Variants in LEMD1 observed in about 807,000 individuals in gnomAD.
LEMD1 encodes the protein LEM domain-containing protein 1.
LEMD1 carries 18 observed loss-of-function variants against 17.4 expected under a neutral mutation model. That is an observed-to-expected ratio of 1.04 (90% confidence interval 0.72 to 1.54). The LOEUF is 1.54. Among genes scored for constraint, LEMD1 ranks in the 40% most tolerant of loss-of-function variants. The probability of loss-of-function intolerance (pLI) is 0.00; values close to 1 mark genes in which losing one functional copy is unlikely to be tolerated. For missense variants in LEMD1, 195 were observed against 210.4 expected, an observed-to-expected ratio of 0.93 and a Z score of 0.45; for synonymous variants, 88 against 77.8, an observed-to-expected ratio of 1.13 and a Z score of -0.69.
chr1:205,443,925 CCT>C (rs1666339419), intron 1 of LEMD1, among the ~76,000 whole-genome samples: 1 of 152,196 alleles, frequency 6.6e-6, no homozygotes, highest in Non-Finnish European at 1.5e-5. Context: ...GGTCTCTGCT[CCT>C]CTCTGCTTTG....
At chr1:205,421,774 AT>A (rs1182128163) in intron 1 of LEMD1, among the ~76,000 whole-genome samples, 1 of 152,078 alleles carries the variant, frequency 6.6e-6, no homozygotes, top group East Asian at 1.9e-4. Context: ...AGCACCTCAG[AT>A]TTTTTTTCTT....
At chr1:205,414,358 G>A (rs1375433213) in intron 4 of LEMD1, among the ~76,000 whole-genome samples, 4 of 151,954 alleles carry the variant, frequency 2.6e-5, no homozygotes, top group African/African-American at 7.3e-5. Flanking sequence ...CAAGGCAAGA[G>A]GATCACTCGA....
intron 1 of LEMD1, among the ~76,000 whole-genome samples, chr1:205,421,147 G>T (rs16855572): frequency 0.013 from 2,026 of 151,874 alleles, 33 homozygotes; most frequent in African/African-American, 0.043. Context: ...ATTGGCATTT[G>T]AAAAAAAGTC....
At chr1:205,400,344 C>T (rs993313214) in intron 4 of LEMD1, among the ~76,000 whole-genome samples, 1 of 152,220 alleles carries the variant, frequency 6.6e-6, no homozygotes, top group Non-Finnish European at 1.5e-5. Flanking sequence ...AGGCGTGAGC[C>T]ACTATGCCTG....
At chr1:205,405,176 G>A (rs1359445456) in intron 4 of LEMD1, among the ~76,000 whole-genome samples, 3 of 151,910 alleles carry the variant, frequency 2.0e-5, no homozygotes, top group Non-Finnish European at 4.4e-5. Context: ...TGACAATTAT[G>A]TGTCTTGGAG....
rs1482800182 is a variant in LEMD1 at position 205,441,580 on chromosome 1, C to T, written c.-39+8288G>A. On this transcript the variant is annotated intron_variant, in intron 1 of 3. Transcript: ENST00000367154. The surrounding 1 kb of genome is among the most constrained non-coding windows in gnomAD (Gnocchi z 4.3). Reference sequence around the variant, plus strand: ...TGACACCTGGGACCGAGTCAGATTCCTCCCTTCCTTAACAACCCCAAGTTG... The same window carrying T: ...TGACACCTGGGACCGAGTCAGATTCTTCCCTTCCTTAACAACCCCAAGTTG... Among the ~76,000 whole-genome samples the T allele has an allele frequency of 6.6e-6, 1 of 152,148 alleles. No individual in the cohort carries two copies. The highest frequency in any genetic ancestry group is 2.4e-5 in the African/African-American group (1 of 41,440).
chr1:205,427,400 C>T (rs980651228), intron 1 of LEMD1, among the ~76,000 whole-genome samples: 1 of 151,930 alleles, frequency 6.6e-6, no homozygotes, highest in South Asian at 2.1e-4. Flanking sequence ...ATAGCTCACC[C>T]CTTTACCTGG....
In LEMD1 at chr1:205,384,373, CA is replaced by C. The variant is rs769809630; in HGVS notation, c.271-10del. 1.0e-5 allele frequency: 15 copies of C among 1,482,858 alleles called. No individual in the cohort carries two copies. Among genetic ancestry groups the C allele is most frequent in the Non-Finnish European group, 1.1e-5 (12 of 1,113,774 alleles). 91.9% of individuals were successfully genotyped at this position (1,482,858 alleles called of 1,614,324 possible). On this transcript the variant is annotated splice_polypyrimidine_tract_variant and intron_variant, in intron 4 of 5. Transcript: ENST00000367153. Reference sequence around the variant, plus strand: ...GTGGAAGCCTCAGGCCACTGATAAACAGAAAGAAAATGTCAAGAGGAATTTG... The same window carrying C: ...GTGGAAGCCTCAGGCCACTGATAAACGAAAGAAAATGTCAAGAGGAATTTG...
intron 4 of LEMD1, among the ~76,000 whole-genome samples, chr1:205,394,225 G>C (rs1019233367): frequency 6.6e-6 from 1 of 152,054 alleles, no homozygotes; most frequent in East Asian, 1.9e-4. Context: ...GGGGGGTAGA[G>C]CGACTGGCGG....
chr1:205,436,059 CAG>C (rs1666198980), intron 1 of LEMD1: 1 of 152,278 alleles, frequency 6.6e-6, no homozygotes, highest in Non-Finnish European at 1.5e-5. Flanking sequence ...GCCATGGCAA[CAG>C]AGGCTGGGAG....
intron 1 of LEMD1, among the ~76,000 whole-genome samples, chr1:205,431,470 T>C (rs1418272280): frequency 6.6e-6 from 1 of 152,220 alleles, no homozygotes. Context: ...TATCTGCATT[T>C]TCCATATGAA....
chr1:205,394,823 C>T (rs1225437530), intron 4 of LEMD1, among the ~76,000 whole-genome samples: 1 of 150,658 alleles, frequency 6.6e-6, no homozygotes, highest in African/African-American at 2.4e-5. Context: ...CCTGTCTCTA[C>T]TAAAAATACA....
intron 4 of LEMD1, among the ~76,000 whole-genome samples, chr1:205,390,326 G>A (rs1427304172): frequency 1.3e-5 from 2 of 151,392 alleles, no homozygotes; most frequent in African/African-American, 4.9e-5. Flanking sequence ...CTGCACTCCA[G>A]CCTGGGCGAC....
At chr1:205,424,340 A>G (rs772726564), upstream of LEMD1, among the ~76,000 whole-genome samples, 2 of 152,148 alleles carry the variant, frequency 1.3e-5, no homozygotes, top group Non-Finnish European at 2.9e-5. Flanking sequence ...TGCTGACCGG[A>G]GGGAAAAGGG....
intron 4 of LEMD1, among the ~76,000 whole-genome samples, chr1:205,402,602 T>G (rs1664902389): frequency 6.6e-6 from 1 of 152,230 alleles, no homozygotes; most frequent in African/African-American, 2.4e-5. Flanking sequence ...ATTTTTGGGC[T>G]GAGACAATGG....
At chr1:205,414,568 G>A (rs115417436) in intron 4 of LEMD1, among the ~76,000 whole-genome samples, 1 of 152,044 alleles carries the variant, frequency 6.6e-6, no homozygotes, top group African/African-American at 2.4e-5. Context: ...GGGATCACAG[G>A]TGTGCACCAC....
intron 4 of LEMD1, chr1:205,386,981 T>G (rs1003372740): frequency 6.6e-6 from 1 of 152,220 alleles, no homozygotes; most frequent in Non-Finnish European, 1.5e-5. Flanking sequence ...ATCCATCACA[T>G]GCAACTTCTT....
intron 3 of LEMD1, among the ~76,000 whole-genome samples, chr1:205,417,280 A>C (rs902488597): frequency 5.3e-5 from 8 of 152,222 alleles, no homozygotes; most frequent in African/African-American, 1.9e-4. Flanking sequence ...TATCTAAAGC[A>C]GTGGCAAACC....
chr1:205,385,443 T>G (rs1177523636), intron 4 of LEMD1: 1 of 152,274 alleles, frequency 6.6e-6, no homozygotes, highest in Non-Finnish European at 1.5e-5. Context: ...CCTCAAGCAA[T>G]CCACCCGCCT....
Sources: allele counts gnomAD v4.1 joint callset (sites outside exome capture counted in the v4.1 genomes callset), GRCh38; gene constraint gnomAD v4.1.1; non-coding constraint Gnocchi (gnomAD v3.1); transcripts MANE v1.5; gene names NCBI Gene and HGNC (gene_info 2026-07-23, HGNC 2026-07-21).